Variants in TSPAN9 observed in about 807,000 individuals in gnomAD.
TSPAN9 encodes tetraspanin 9.
In TSPAN9, 16 loss-of-function variants were observed where a neutral mutation model predicts 31.0. The ratio of observed to expected loss-of-function variants is 0.52; its 90% CI spans 0.35 to 0.78. TSPAN9 has a LOEUF of 0.78. Ranked by LOEUF, TSPAN9 falls within the 30% of genes least tolerant of loss-of-function variation. The pLI, the probability that TSPAN9 is intolerant of heterozygous loss-of-function variation, is 0.01. For missense variants in TSPAN9, 272 were observed against 312.5 expected, an observed-to-expected ratio of 0.87 and a Z score of 0.98; for synonymous variants, 145 against 121.6, an observed-to-expected ratio of 1.19 and a Z score of -1.27.
intron 3 of TSPAN9, among the ~76,000 whole-genome samples, chr12:3,202,500 A>T (rs2098372524): frequency 6.6e-6 from 1 of 152,190 alleles, no homozygotes; most frequent in African/African-American, 2.4e-5. Flanking sequence ...ACTGGGCTCT[A>T]GTCTTGGTTC....
chr12:3,147,996 A>G lies in TSPAN9; in HGVS notation c.-17-53181A>G, dbSNP rs1591648412. 6.6e-6 allele frequency among the ~76,000 whole-genome samples: 1 copy of G among 152,180 alleles called. No homozygotes were observed. The highest frequency in any genetic ancestry group is 3.4e-3 in the Middle Eastern group (1 of 294). ...TTTGGAGATTGAGTGGAGGGTCTGG[A>G]TAGGGGAGAAGGAGGAGAGAAGTCT... On this transcript the variant is annotated intron_variant, in intron 2 of 8. Coordinates refer to ENST00000011898, the MANE Select transcript of TSPAN9 (RefSeq NM_006675.5). This position sits in a 1 kb window ranked among gnomAD's most constrained non-coding sequence, Gnocchi z 4.3.
chr12:3,177,963 G>GGGTCTCT (rs2098356740), intron 2 of TSPAN9, among the ~76,000 whole-genome samples: 1 of 152,182 alleles, frequency 6.6e-6, no homozygotes, highest in Admixed American at 6.5e-5. Context: ...GCCCGCCGAT[G>GGGTCTCT]GGTCTCTGGG....
intron 2 of TSPAN9, among the ~76,000 whole-genome samples, chr12:3,189,239 A>C (rs974379968): frequency 6.6e-6 from 1 of 152,138 alleles, no homozygotes; most frequent in Non-Finnish European, 1.5e-5. Flanking sequence ...GGTGGAGGGC[A>C]GGTGCATGCA....
At chr12:3,215,629 G>GT (rs1408399277) in intron 3 of TSPAN9, among the ~76,000 whole-genome samples, 2 of 152,224 alleles carry the variant, frequency 1.3e-5, no homozygotes, top group East Asian at 3.8e-4. Context: ...CCCAAGTCAT[G>GT]TTGCTGGCTC....
chr12:3,266,454 C>T (rs1362162221), intron 3 of TSPAN9, among the ~76,000 whole-genome samples: 10 of 152,210 alleles, frequency 6.6e-5, no homozygotes, highest in African/African-American at 9.6e-5. Context: ...GCAGGGAAGG[C>T]GGGCCGTGGG....
In TSPAN9 at chr12:3,261,465, G is replaced by A. The variant is rs117196576; in HGVS notation, c.64-16956G>A. On this transcript the variant is annotated intron_variant, in intron 3 of 8. Transcript: ENST00000011898. ...AACCTAGGCGCTGGCTCGAGCCTAC[G>A]CTCTCAACCATGGGCCCCAGGTCCA... is the stretch of plus-strand genomic sequence containing the variant. 6.8e-3 allele frequency among the ~76,000 whole-genome samples: 1,032 copies of A among 152,264 alleles called. 2 individuals carry two copies. The highest frequency in any genetic ancestry group is 1.0e-2 in the Non-Finnish European group (678 of 68,016).
At chr12:3,105,838 A>C (rs964192278) in intron 2 of TSPAN9, among the ~76,000 whole-genome samples, 1 of 122,696 alleles carries the variant, frequency 8.2e-6, no homozygotes, top group Non-Finnish European at 1.8e-5. Context: ...ACACTTTCAT[A>C]CACACGCTCA....
At chr12:3,223,173 C>T (rs527395375) in intron 3 of TSPAN9, among the ~76,000 whole-genome samples, 6 of 152,322 alleles carry the variant, frequency 3.9e-5, no homozygotes, top group South Asian at 2.1e-4. Context: ...GCTTTAAAAT[C>T]GATGCAGAGT....
chr12:3,276,018 C>G (rs548644468), intron 3 of TSPAN9, among the ~76,000 whole-genome samples: 1 of 152,224 alleles, frequency 6.6e-6, no homozygotes, highest in Non-Finnish European at 1.5e-5. Context: ...ACCGCTCCTC[C>G]GTAGCCTCCT....
rs1263285957 is a variant in TSPAN9 at position 3,147,471 on chromosome 12, C to T, written c.-17-53706C>T. Among the ~76,000 whole-genome samples the T allele has an allele frequency of 6.6e-6, 1 of 152,142 alleles. No homozygotes were observed. Among genetic ancestry groups the T allele is most frequent in the Admixed American group, 6.5e-5 (1 of 15,276 alleles). On this transcript the variant is annotated intron_variant, in intron 2 of 8. Coordinates refer to ENST00000011898, the MANE Select transcript of TSPAN9 (RefSeq NM_006675.5). The surrounding 1 kb of genome is among the most constrained non-coding windows in gnomAD (Gnocchi z 4.3). ...CTCCACCGACGCGACGGGAAGTGGCCTCTCCCTCCTTCAGGATCGCCCCCA... is the reference window on the plus strand; with the variant it reads ...CTCCACCGACGCGACGGGAAGTGGCTTCTCCCTCCTTCAGGATCGCCCCCA...
chr12:3,225,227 C>T (rs1336107306), intron 3 of TSPAN9, among the ~76,000 whole-genome samples: 1 of 152,088 alleles, frequency 6.6e-6, no homozygotes, highest in Admixed American at 6.5e-5. Flanking sequence ...ATCCGACCCA[C>T]AGCGCACAGA....
Position 3,109,268 on chromosome 12 carries a change from C to CTGTGTGTGTGTGTGTGTG in TSPAN9, c.-18+25564_-18+25581dup, listed in dbSNP as rs1226380985. Reference sequence around the variant, plus strand: ...AGGATTCTTTACTGTTTCATATAGTCTGTGTGTGTGTGTGTGTGTGTGTGT... The same window carrying CTGTGTGTGTGTGTGTGTG: ...AGGATTCTTTACTGTTTCATATAGTCTGTGTGTGTGTGTGTGTGTGTGTGTGTGTGTGTGTGTGTGTGT... On this transcript the variant is annotated intron_variant, in intron 2 of 8. Coordinates refer to ENST00000011898, the MANE Select transcript of TSPAN9 (RefSeq NM_006675.5). 1.3e-3 allele frequency among the ~76,000 whole-genome samples: 161 copies of CTGTGTGTGTGTGTGTGTG among 119,334 alleles called. 2 individuals carry two copies. Among genetic ancestry groups the CTGTGTGTGTGTGTGTGTG allele is most frequent in the African/African-American group, 3.5e-3 (93 of 26,812 alleles). The allele number at this position is 119,334 out of a possible 152,430, so 78.3% of individuals were successfully genotyped here. A position where few individuals can be genotyped will look rare whatever the true frequency, so the allele number is the denominator to read the frequency against.
At chr12:3,225,676 C>T (rs1240641026) in intron 3 of TSPAN9, among the ~76,000 whole-genome samples, 4 of 152,066 alleles carry the variant, frequency 2.6e-5, no homozygotes, top group Non-Finnish European at 2.9e-5. Context: ...GACGGCCCCC[C>T]GCCCTCCACA....
chr12:3,099,436 A>G (rs900885363), intron 2 of TSPAN9, among the ~76,000 whole-genome samples: 9 of 151,970 alleles, frequency 5.9e-5, no homozygotes, highest in Non-Finnish European at 5.9e-5. Context: ...TGAGCTTTGG[A>G]GCGTACTTAC....
At chr12:3,109,268 C>CTGTGTGTGTGTGTGTGTGTGTGTGTGTG (rs1226380985) in intron 2 of TSPAN9, among the ~76,000 whole-genome samples, 34 of 119,338 alleles carry the variant, frequency 2.8e-4, no homozygotes, top group African/African-American at 1.2e-3. Context: ...TTCATATAGT[C>CTGTGTGTGTGTGTGTGTGTGTGTGTGTG]TGTGTGTGTG....
At chr12:3,250,493 A>T (rs1305611217) in intron 3 of TSPAN9, among the ~76,000 whole-genome samples, 1 of 152,092 alleles carries the variant, frequency 6.6e-6, no homozygotes, top group Admixed American at 6.5e-5. Context: ...GGTGTATTTC[A>T]TGTGTGAGAA....
At chr12:3,256,412 G>GAGGCCA (rs1361785519) in intron 3 of TSPAN9, among the ~76,000 whole-genome samples, 4 of 152,224 alleles carry the variant, frequency 2.6e-5, no homozygotes, top group Admixed American at 6.5e-5. Flanking sequence ...CGGAGGCCCT[G>GAGGCCA]AGGCCAAGGC....
chr12:3,082,505 A>T (rs1047247158), intron 1 of TSPAN9, among the ~76,000 whole-genome samples: 5 of 152,324 alleles, frequency 3.3e-5, no homozygotes, highest in Admixed American at 1.3e-4. Flanking sequence ...GGAGATAGCC[A>T]TCAACCTTGG....
At position 3,281,345 on chromosome 12, in the gene TSPAN9, G is replaced by T; in HGVS notation, c.564+16G>T. The T allele has an allele frequency of 1.3e-6, 2 of 1,544,584 alleles. No homozygotes were observed. The highest frequency in any genetic ancestry group is 1.2e-5 in the South Asian group (1 of 83,560). The stretch of plus-strand genomic sequence containing the variant: ...GTGGAGAACGGTGAGGCTGGGGATG[G>T]ACCGCTTGGGTCCAAGAGCCCGTGT... On this transcript the variant is annotated intron_variant, in intron 7 of 8. Coordinates refer to ENST00000011898, the MANE Select transcript of TSPAN9 (RefSeq NM_006675.5).
Sources: gnomAD v4.1 joint callset for allele counts (sites outside exome capture counted in the v4.1 genomes callset) on GRCh38, gnomAD v4.1.1 for gene constraint, Gnocchi (gnomAD v3.1) non-coding constraint, MANE v1.5 for transcripts, NCBI Gene and HGNC (gene_info 2026-07-23, HGNC 2026-07-21) for gene names.